The following AK9 variants were observed in gnomAD, a reference collection of about 807,000 sequenced individuals.
AK9 encodes the protein adenylate kinase domain containing 1.
A neutral mutation model predicts 239.6 loss-of-function variants in AK9; 191 were observed. The ratio of observed to expected loss-of-function variants is 0.80; its 90% confidence interval spans 0.71 to 0.90. The LOEUF (loss-of-function observed/expected upper bound fraction) is 0.90. Among genes scored for constraint, AK9 ranks in the 40% least tolerant of loss-of-function variants. The pLI is 0.00. For missense variants in AK9, 1,995 were observed against 2,214.7 expected (o/e 0.90, Z 1.99); for synonymous variants, 689 against 721.0 (o/e 0.96, Z 0.71).
chr6:109,612,068 G>C lies in AK9; in HGVS notation c.1635C>G (p.Phe545Leu). The change falls in exon 16 of 41, where the codon TTC (phenylalanine) becomes TTG (leucine). Residue 545 changes from phenylalanine (F) to leucine (L), a missense_variant. Phe to Leu is a conservative substitution (Grantham distance 22). This residue lies in a region of AK9 where 1,290 missense variants were observed against 1,392.7 expected (regional missense o/e 0.93). Transcript: ENST00000424296. ...CATCTTGAGAATGCCTTTTAAATGT[G>C]AATGTTTCACCAGTTTCTTTTCCAT... ...KDDGKETGET[F>L]TFKRHSQDAS... The C allele has an allele frequency of 6.5e-7, 1 of 1,540,458 alleles. No individual in the cohort carries two copies. The highest frequency in any genetic ancestry group is 8.8e-7 in the Non-Finnish European group (1 of 1,141,984).
chr6:109,659,688 A>G (rs551933261), intron 6 of AK9, among the ~76,000 whole-genome samples: 2 of 152,332 alleles, frequency 1.3e-5, no homozygotes, highest in South Asian at 4.1e-4. Flanking sequence ...TTGGAAAAGT[A>G]GAAACAGTAG....
rs200345923 is a variant in AK9, at chr6:109,641,351, T to TTC, written c.933+166_933+167insGA. On this transcript the variant is annotated intron_variant, in intron 10 of 40. Transcript: ENST00000424296. ...CCTGGCTAATTTTTTCTTTCTTTCT[T>TTC]TTTTTTTTTTTTTTTTTGTAGAGAT... is the stretch of plus-strand genomic sequence containing the variant. Among the ~76,000 whole-genome samples, 238 of 128,336 alleles carry TTC rather than the reference T, an allele frequency of 1.9e-3. 1 individual carries two copies. Among genetic ancestry groups the TTC allele is most frequent in the East Asian group, 0.014 (60 of 4,358 alleles). The allele number at this position is 128,336 out of a possible 152,430, so 84.2% of individuals were successfully genotyped here.
At chr6:109,620,929 G>A (rs959678217) in intron 12 of AK9, among the ~76,000 whole-genome samples, 1 of 151,590 alleles carries the variant, frequency 6.6e-6, no homozygotes, top group African/African-American at 2.4e-5. Context: ...CATAGGAATT[G>A]GAAATACATA....
At chr6:109,511,490 T>C (rs561012712) in intron 32 of AK9, among the ~76,000 whole-genome samples, 10 of 152,200 alleles carry the variant, frequency 6.6e-5, no homozygotes, top group Non-Finnish European at 1.0e-4. Context: ...CAAGGTTACA[T>C]AGATGTTGCC....
In AK9 at chr6:109,514,428, CT is replaced by C. The variant is rs2128113898; in HGVS notation, c.4074del (p.Gly1359GlufsTer17). 6.5e-7 allele frequency: 1 copy of C among 1,540,706 alleles called. No homozygotes were observed. The highest frequency in any genetic ancestry group is 2.5e-5 in the East Asian group (1 of 40,338). ...TTTTCAACTGGCTTGATTGTCTCTC[CT>C]TCACTTAGCTGCAACATATACACAG... ...FGYWDPVKLS[E>X]GETIKPVENA... is the part of the protein sequence containing the mutation. On this transcript the variant is annotated frameshift_variant, in exon 32 of 41. Coordinates refer to ENST00000424296, the MANE Select transcript of AK9 (RefSeq NM_001145128.3). LOFTEE classifies it high-confidence loss of function.
chr6:109,630,621 C>A (rs1300593460), intron 12 of AK9, among the ~76,000 whole-genome samples: 1 of 152,068 alleles, frequency 6.6e-6, no homozygotes, highest in African/African-American at 2.4e-5. Flanking sequence ...GCAGGAGGAT[C>A]ATTTGAGGCA....
chr6:109,673,342 G>T (rs1482448126), intron 3 of AK9, among the ~76,000 whole-genome samples: 2 of 152,114 alleles, frequency 1.3e-5, no homozygotes. Flanking sequence ...TGTAGTAATT[G>T]TAAAGATTCA....
At chr6:109,673,833 C>A (rs907516333) in intron 3 of AK9, among the ~76,000 whole-genome samples, 9 of 151,904 alleles carry the variant, frequency 5.9e-5, no homozygotes, top group African/African-American at 1.7e-4. Flanking sequence ...ATTGATAATG[C>A]TGTTATAAAA....
intron 21 of AK9, among the ~76,000 whole-genome samples, chr6:109,568,719 C>T (rs962163381): frequency 6.6e-6 from 1 of 152,144 alleles, no homozygotes. Context: ...ATCCAACTTA[C>T]AAGGGATGTG....
intron 29 of AK9, among the ~76,000 whole-genome samples, chr6:109,523,028 AG>A (rs1200820468): frequency 6.6e-6 from 1 of 152,166 alleles, no homozygotes; most frequent in Non-Finnish European, 1.5e-5. Context: ...TGTTAAGTGA[AG>A]GGCTGGTAGA....
In AK9 at chr6:109,495,719, C is replaced by G. The variant is rs73762760; in HGVS notation, c.5316-279G>C. Among the ~76,000 whole-genome samples the G allele has an allele frequency of 3.4e-3, 524 of 152,234 alleles. 7 individuals carry two copies. The highest frequency in any genetic ancestry group is 0.012 in the African/African-American group (511 of 41,528). On this transcript the variant is annotated intron_variant, in intron 38 of 40. Transcript: ENST00000424296. ...CTTCTGACTCTCCCAAATGCCCCCT[C>G]ACCCCCAGGCAGATGCCATGCTGTA...
intron 17 of AK9, among the ~76,000 whole-genome samples, chr6:109,593,664 C>T (rs953945872): frequency 1.3e-5 from 2 of 152,164 alleles, no homozygotes; most frequent in Non-Finnish European, 2.9e-5. Context: ...AACTTATCCA[C>T]CACGATCAAG....
In AK9 at chr6:109,614,432, A is replaced by G. The variant is rs1196089098; in HGVS notation, c.1448T>C (p.Phe483Ser). 4 of 1,551,222 alleles carry G rather than the reference A, an allele frequency of 2.6e-6. No individual in the cohort carries two copies. Among genetic ancestry groups the G allele is most frequent in the Admixed American group, 2.0e-5 (1 of 50,964 alleles). The stretch of plus-strand genomic sequence containing the variant: ...TGTTGCCTCCATTGGGAATACTCCA[A>G]ACTCCATTTTTTCATATTGCCTTTG... Reference protein sequence around the residue: ...EFQRQYEKMEFGVFPMEATHS... With the variant: ...EFQRQYEKMESGVFPMEATHS... The change falls in exon 14 of 41, where the codon TTT (phenylalanine) becomes TCT (serine). Residue 483 changes from phenylalanine (F) to serine (S), a missense_variant. By Grantham distance (155) the Phe-to-Ser change is radical. This residue lies in a region of AK9 where 1,290 missense variants were observed against 1,392.7 expected (regional missense o/e 0.93). Transcript: ENST00000424296.
At chr6:109,547,235 C>A (rs1783679529) in intron 25 of AK9, among the ~76,000 whole-genome samples, 1 of 152,178 alleles carries the variant, frequency 6.6e-6, no homozygotes. Flanking sequence ...CCAAATTATA[C>A]AGAAGAGCTT....
At chr6:109,571,440 CTT>C (rs1489708222) in intron 21 of AK9, among the ~76,000 whole-genome samples, 1 of 152,050 alleles carries the variant, frequency 6.6e-6, no homozygotes, top group African/African-American at 2.4e-5. Context: ...GAGAGGAAAC[CTT>C]TCTCTCAAGC....
intron 12 of AK9, chr6:109,632,266 G>C (rs1796163001): frequency 1.0e-6 from 1 of 985,492 alleles, no homozygotes; most frequent in Non-Finnish European, 1.2e-6. Flanking sequence ...TCTGTGGCCT[G>C]AATTGCTCTG....
Position 109,514,287 on chromosome 6 carries a change from GT to G in AK9, c.4215del (p.Lys1405AsnfsTer11). 1.3e-6 allele frequency: 2 copies of G among 1,551,802 alleles called. No homozygotes were observed. Among genetic ancestry groups the G allele is most frequent in the Non-Finnish European group, 1.7e-6 (2 of 1,146,978 alleles). On this transcript the variant is annotated frameshift_variant, in exon 32 of 41. Transcript: ENST00000424296. LOFTEE classifies it high-confidence loss of function. ...ATCCTAATGGGCACAGTAGGCTTAG[GT>G]TTGGGTTGGCGGATATATTTGATTG... ...KNPIKYIRQP[K>X]PKPTVPIRII...
intron 12 of AK9, among the ~76,000 whole-genome samples, chr6:109,620,952 T>C (rs1042598002): frequency 2.6e-5 from 4 of 151,930 alleles, no homozygotes; most frequent in Non-Finnish European, 5.9e-5. Flanking sequence ...CAAGCCTAAA[T>C]TCCATGCATA....
At chr6:109,581,453 C>T (rs1788849602) in intron 19 of AK9, among the ~76,000 whole-genome samples, 2 of 152,136 alleles carry the variant, frequency 1.3e-5, no homozygotes, top group Admixed American at 1.3e-4. Context: ...GTAAAACAGC[C>T]TTACTATTGA....
Sources: gnomAD v4.1 joint callset for allele counts (sites outside exome capture counted in the v4.1 genomes callset) on GRCh38, gnomAD v4.1.1 for gene constraint, gnomAD v4.1.1 regional missense constraint, MANE v1.5 for transcripts, NCBI Gene and HGNC (gene_info 2026-07-23, HGNC 2026-07-21) for gene names.